The following GPAM variants were observed in gnomAD, a reference collection of about 807,000 sequenced individuals.
GPAM encodes glycerol-3-phosphate acyltransferase 1, mitochondrial.
A neutral mutation model predicts 105.0 loss-of-function variants in GPAM; 56 were observed. The observed-to-expected ratio is 0.53, with a 90% confidence interval of 0.43 to 0.67. The LOEUF is 0.67. Among genes scored for constraint, GPAM ranks in the 30% least tolerant of loss-of-function variants. The probability of loss-of-function intolerance (pLI) is 0.00; values close to 1 mark genes in which losing one functional copy is unlikely to be tolerated. For missense variants in GPAM, 855 were observed against 989.8 expected (o/e 0.86, Z 1.83); for synonymous variants, 368 against 354.4 (o/e 1.04, Z -0.43).
upstream of GPAM, among the ~76,000 whole-genome samples, chr10:112,216,610 T>C (rs906934426): frequency 2.0e-5 from 3 of 149,714 alleles, no homozygotes; most frequent in Non-Finnish European, 4.5e-5. Context: ...CTTTTTTATT[T>C]TTATTAATTA....
At chr10:112,208,642 T>C (rs1197596020) in intron 1 of GPAM, among the ~76,000 whole-genome samples, 1 of 152,198 alleles carries the variant, frequency 6.6e-6, no homozygotes, top group Non-Finnish European at 1.5e-5. Context: ...AATGTTAGCC[T>C]CGGTGACAAG....
At chr10:112,156,121 G>T in intron 19 of GPAM, 68 bp from the exon 20 acceptor site, 1 of 1,106,892 alleles carries the variant, frequency 9.0e-7, no homozygotes, top group Non-Finnish European at 1.4e-6. Context: ...AGTGGACAGA[G>T]GACTTTCTCT....
At position 112,151,765 on chromosome 10, in the gene GPAM, G is replaced by A. The variant is rs1384318829; in HGVS notation, c.*1785C>T. 1.0e-6 allele frequency: 1 copy of A among 984,758 alleles called. No homozygotes were observed. Among genetic ancestry groups the A allele is most frequent in the Admixed American group, 6.1e-5 (1 of 16,264 alleles). 61.0% of individuals were successfully genotyped at this position (984,758 alleles called of 1,614,324 possible). A position where few individuals can be genotyped will look rare whatever the true frequency, so the allele number is the denominator to read the frequency against. ...GATGAAAAAAAGAGACTAGTGAAATGTTTGCTTCCCCAGATAAGGAACACC... is the reference window on the plus strand; with the variant it reads ...GATGAAAAAAAGAGACTAGTGAAATATTTGCTTCCCCAGATAAGGAACACC... On this transcript the variant is annotated 3_prime_UTR_variant, in exon 22 of 22. Coordinates refer to ENST00000348367, the MANE Select transcript of GPAM (RefSeq NM_001244949.2).
chr10:112,202,300 T>A (rs948684515), intron 1 of GPAM, among the ~76,000 whole-genome samples: 4 of 152,214 alleles, frequency 2.6e-5, no homozygotes, highest in Non-Finnish European at 5.9e-5. Context: ...TAGTGAGCAG[T>A]ATTTGGCCCA....
At chr10:112,191,539 G>A (rs1049652100) in intron 1 of GPAM, among the ~76,000 whole-genome samples, 4 of 152,302 alleles carry the variant, frequency 2.6e-5, no homozygotes, top group Non-Finnish European at 5.9e-5. Flanking sequence ...TGTTCTTAGG[G>A]AATAAAAGGT....
At chr10:112,219,402 A>T (rs986374410), upstream of GPAM, among the ~76,000 whole-genome samples, 2 of 152,180 alleles carry the variant, frequency 1.3e-5, no homozygotes, top group Non-Finnish European at 2.9e-5. Context: ...AGGGATGTGG[A>T]AGTACCAGAG....
intron 14 of GPAM, 136 bp downstream of exon 14, chr10:112,163,565 C>CAG (rs1847161684): frequency 3.0e-6 from 2 of 673,658 alleles, no homozygotes; most frequent in Non-Finnish European, 5.4e-6. Context: ...CACCTTCTTT[C>CAG]TAATAACTTA....
At chr10:112,217,023 A>G (rs1306905091), upstream of GPAM, among the ~76,000 whole-genome samples, 2 of 152,154 alleles carry the variant, frequency 1.3e-5, no homozygotes, top group African/African-American at 2.4e-5. Flanking sequence ...ACACCATACA[A>G]TTTACCCATT....
chr10:112,152,134 C>T lies in GPAM; in HGVS notation c.*1416G>A, dbSNP rs1322907272. On this transcript the variant is annotated 3_prime_UTR_variant, in exon 22 of 22. Coordinates refer to ENST00000348367, the MANE Select transcript of GPAM (RefSeq NM_001244949.2). ...CTTATGGAAGTACAAACTTAATTCT[C>T]AGTACTTTTATACTAAATTCAAAGA... is the stretch of plus-strand genomic sequence containing the variant. The T allele has an allele frequency of 7.2e-6, 7 of 972,524 alleles. No homozygotes were observed. The highest frequency in any genetic ancestry group is 8.6e-6 in the Non-Finnish European group (7 of 818,358). 60.2% of individuals were successfully genotyped at this position (972,524 alleles called of 1,614,324 possible).
Position 112,151,324 on chromosome 10 carries a change from TTTTTTTG to T in GPAM, c.*2219_*2225del, listed in dbSNP as rs1443035355. ...AAGCTTCATTGTGAAGATGCTTTCGTTTTTTTGTTTTTTGTTTTCAGTCATGAGGCAC... is the reference window on the plus strand; with the variant it reads ...AAGCTTCATTGTGAAGATGCTTTCGTTTTTTTGTTTTCAGTCATGAGGCAC... On this transcript the variant is annotated 3_prime_UTR_variant, in exon 22 of 22. Transcript: ENST00000348367. 2 of 962,484 alleles carry T rather than the reference TTTTTTTG, an allele frequency of 2.1e-6. No homozygotes were observed. The highest frequency in any genetic ancestry group is 3.0e-4 in the East Asian group (2 of 6,650). The allele number at this position is 962,484 out of a possible 1,614,324, so 59.6% of individuals were successfully genotyped here.
intron 17 of GPAM, among the ~76,000 whole-genome samples, chr10:112,159,216 C>CTTTTTTTTT (rs35513817): frequency 6.9e-5 from 6 of 86,984 alleles, no homozygotes; most frequent in African/African-American, 9.0e-5. Context: ...AGATGATTTT[C>CTTTTTTTTT]TTTTTTTTTT....
At chr10:112,158,491 T>C in intron 17 of GPAM, 98 bp from the exon 18 acceptor site, 1 of 766,378 alleles carries the variant, frequency 1.3e-6, no homozygotes, top group Non-Finnish European at 2.3e-6. Flanking sequence ...AAGCCTTCCA[T>C]TCTGTTACCT....
In GPAM at chr10:112,151,020, T is replaced by A; in HGVS notation, c.*2530A>T. On this transcript the variant is annotated 3_prime_UTR_variant, in exon 22 of 22. Transcript: ENST00000348367. Reference sequence around the variant, plus strand: ...AGTTTTTGCCTTTGTTTTTCATGCATTTTCAGAGTGCACAACTTCCCTCCT... The same window carrying A: ...AGTTTTTGCCTTTGTTTTTCATGCAATTTCAGAGTGCACAACTTCCCTCCT... The A allele has an allele frequency of 1.0e-6, 1 of 985,806 alleles. No individual in the cohort carries two copies. Among genetic ancestry groups the A allele is most frequent in the Non-Finnish European group, 1.2e-6 (1 of 829,872 alleles). 61.1% of individuals were successfully genotyped at this position (985,806 alleles called of 1,614,324 possible).
upstream of GPAM, among the ~76,000 whole-genome samples, chr10:112,219,293 T>G (rs372955509): frequency 6.6e-6 from 1 of 152,150 alleles, no homozygotes; most frequent in East Asian, 1.9e-4. Context: ...GCAGGCCAAG[T>G]GCACACAGGT....
At chr10:112,219,772 T>C (rs11195844), upstream of GPAM, among the ~76,000 whole-genome samples, 11,930 of 152,238 alleles carry the variant, frequency 0.078, 512 homozygotes, top group Middle Eastern at 0.18. Context: ...AGAGATCTGA[T>C]CTAAGCAACC....
In GPAM at chr10:112,160,570, A is replaced by G. The variant is rs762390500; in HGVS notation, c.1759+34T>C. The G allele has an allele frequency of 1.9e-5, 31 of 1,594,444 alleles. No homozygotes were observed. In the South Asian group the frequency reaches 3.0e-4, roughly 15 times the overall value. On this transcript the variant is annotated intron_variant, in intron 16 of 21. Transcript: ENST00000348367. The stretch of plus-strand genomic sequence containing the variant: ...GTTTTAGGCCTTTTTATTTTCCATG[A>G]AAATTACTGAAAATATTTCAAGGTC...
chr10:112,169,003 T>A, intron 9 of GPAM, 51 bp from the exon 10 acceptor site: 2 of 1,156,148 alleles, frequency 1.7e-6, no homozygotes, highest in Non-Finnish European at 2.6e-6. Flanking sequence ...GTAAAAAGAA[T>A]ACTCACATTC....
At chr10:112,184,876 G>A (rs1467492105), upstream of GPAM, among the ~76,000 whole-genome samples, 5 of 152,108 alleles carry the variant, frequency 3.3e-5, no homozygotes, top group African/African-American at 4.8e-5. Context: ...CCAGTCTTCC[G>A]CTGATTAGAG....
rs1846925235 is a variant in GPAM, at chr10:112,151,825, G to A, written c.*1725C>T. On this transcript the variant is annotated 3_prime_UTR_variant, in exon 22 of 22. Coordinates refer to ENST00000348367, the MANE Select transcript of GPAM (RefSeq NM_001244949.2). ...CTGGGTATCCTCCAAATGTAGCCAA[G>A]AAAAGTGTTCTTCTACCCTAGTCAG... is the stretch of plus-strand genomic sequence containing the variant. 1 of 985,098 alleles carries A rather than the reference G, an allele frequency of 1.0e-6. No individual in the cohort carries two copies. The highest frequency in any genetic ancestry group is 1.7e-5 in the African/African-American group (1 of 57,358). 61.0% of individuals were successfully genotyped at this position (985,098 alleles called of 1,614,324 possible).
Sources: allele counts gnomAD v4.1 joint callset (sites outside exome capture counted in the v4.1 genomes callset), GRCh38; gene constraint gnomAD v4.1.1; transcripts MANE v1.5; gene names NCBI Gene and HGNC (gene_info 2026-07-23, HGNC 2026-07-21).